The following ZNF521 variants were observed in gnomAD, a reference collection of about 807,000 sequenced individuals.
The protein encoded by ZNF521 is LYST-interacting protein 3.
Under a neutral mutation model 105.5 loss-of-function variants are expected in ZNF521, and 14 were observed. That is an observed-to-expected ratio of 0.13 (90% CI 0.09 to 0.21). ZNF521 has a LOEUF of 0.21. Ranked by LOEUF, ZNF521 falls within the 10% of genes least tolerant of loss-of-function variation. ZNF521 has a pLI of 1.00. For synonymous variants in ZNF521, 635 were observed against 606.0 expected, an observed-to-expected ratio of 1.05 and a Z score of -0.70; for missense variants, 1,233 against 1,629.7, an observed-to-expected ratio of 0.76 and a Z score of 4.19.
chr18:25,346,093 T>C (rs1452587137), intron 2 of ZNF521, among the ~76,000 whole-genome samples: 1 of 152,150 alleles, frequency 6.6e-6, no homozygotes, highest in African/African-American at 2.4e-5. Flanking sequence ...AAAAATAATT[T>C]TGAGGGAAAG....
intron 5 of ZNF521, among the ~76,000 whole-genome samples, chr18:25,100,430 T>A (rs1006830112): frequency 2.0e-5 from 3 of 152,164 alleles, no homozygotes; most frequent in Non-Finnish European, 4.4e-5. Flanking sequence ...CTCCTTCTGA[T>A]TCTGTTTATT....
At chr18:25,222,562 CACAG>C (rs1470006549) in intron 4 of ZNF521, among the ~76,000 whole-genome samples, 8 of 152,192 alleles carry the variant, frequency 5.3e-5, no homozygotes, top group Admixed American at 6.5e-5. Context: ...AAATCACACA[CACAG>C]ACACACAGAC....
At chr18:25,235,198 A>G (rs1906805134) in intron 3 of ZNF521, among the ~76,000 whole-genome samples, 2 of 152,242 alleles carry the variant, frequency 1.3e-5, no homozygotes, top group Non-Finnish European at 2.9e-5. Flanking sequence ...ATAAGTGACT[A>G]TTTGGCTTAG....
chr18:25,235,273 G>A (rs1038636097), intron 3 of ZNF521, among the ~76,000 whole-genome samples: 11 of 152,050 alleles, frequency 7.2e-5, no homozygotes, highest in African/African-American at 9.7e-5. Flanking sequence ...TGAAATATAC[G>A]TACTGAGCTT....
chr18:25,084,197 C>T (rs971378712), intron 7 of ZNF521, among the ~76,000 whole-genome samples: 6 of 139,948 alleles, frequency 4.3e-5, no homozygotes, highest in African/African-American at 9.8e-5. Context: ...GGCCTCATCA[C>T]ATATTATTTA....
rs373072667 is a variant in ZNF521 at position 25,178,041 on chromosome 18, T to C, written c.3658+17119A>G. On this transcript the variant is annotated intron_variant, in intron 5 of 7. Transcript: ENST00000361524. ...CCTTCTCTAATAACACATTCTGGCA[T>C]CTAATAAATTATCTCTGTGGTTCAA... Among the ~76,000 whole-genome samples, 107 of 152,342 alleles carry C rather than the reference T, an allele frequency of 7.0e-4. 4 individuals carry two copies. In the South Asian group the frequency reaches 0.022, roughly 31 times the overall value.
At chr18:25,077,287 C>G (rs1046875267) in intron 7 of ZNF521, among the ~76,000 whole-genome samples, 1 of 152,198 alleles carries the variant, frequency 6.6e-6, no homozygotes, top group East Asian at 1.9e-4. Flanking sequence ...TCTGTTCTGC[C>G]TTCCCGTTCC....
rs756727936 is a variant in ZNF521 at position 25,226,382 on chromosome 18, T to G, written c.1536A>C (p.Ala512=). ...CCATATAGCAATGGGGACAAAAGAATGCATTACTATCTTTAGCTGCAGGGT... is the reference window on the plus strand; with the variant it reads ...CCATATAGCAATGGGGACAAAAGAAGGCATTACTATCTTTAGCTGCAGGGT... ...FANPAAKDSN[A]FFCPHCYMGF... is the part of the protein sequence containing the mutation. Residue 512 remains alanine (A), a synonymous_variant, in exon 4 of 8, where the codon GCA becomes GCC. Coordinates refer to ENST00000361524, the MANE Select transcript of ZNF521 (RefSeq NM_015461.3). This position sits in a 1 kb window ranked among gnomAD's most constrained non-coding sequence, Gnocchi z 4.1. 3 of 1,614,132 alleles carry G rather than the reference T, an allele frequency of 1.9e-6. No individual in the cohort carries two copies. The highest frequency in any genetic ancestry group is 1.7e-6 in the Non-Finnish European group (2 of 1,180,002).
chr18:25,108,670 G>A (rs1415720062), intron 5 of ZNF521, among the ~76,000 whole-genome samples: 7 of 152,296 alleles, frequency 4.6e-5, no homozygotes, highest in East Asian at 1.9e-4. Flanking sequence ...TGTTGCCCAG[G>A]TTGGAGTGCA....
At chr18:25,152,870 A>G (rs1290460314) in intron 5 of ZNF521, among the ~76,000 whole-genome samples, 4 of 152,210 alleles carry the variant, frequency 2.6e-5, no homozygotes, top group Non-Finnish European at 5.9e-5. Flanking sequence ...TACTAGAGAT[A>G]AAATGCAAAA....
chr18:25,286,474 AGAG>A (rs1910713666), intron 3 of ZNF521, among the ~76,000 whole-genome samples: 1 of 152,204 alleles, frequency 6.6e-6, no homozygotes, highest in African/African-American at 2.4e-5. Context: ...ACCACCATAC[AGAG>A]GAGAGCCAAT....
chr18:25,230,432 C>A (rs1438379165), intron 3 of ZNF521, among the ~76,000 whole-genome samples: 1 of 152,326 alleles, frequency 6.6e-6, no homozygotes, highest in South Asian at 2.1e-4. Flanking sequence ...TCCTCCAAGA[C>A]TTTTGTGGTG....
At chr18:25,240,747 G>C (rs964006841) in intron 3 of ZNF521, among the ~76,000 whole-genome samples, 1 of 151,930 alleles carries the variant, frequency 6.6e-6, no homozygotes, top group African/African-American at 2.4e-5. Flanking sequence ...CAGACTCTCT[G>C]AGAGTTAAGA....
intron 3 of ZNF521, among the ~76,000 whole-genome samples, chr18:25,290,711 A>T (rs970570106): frequency 1.3e-5 from 2 of 151,040 alleles, no homozygotes; most frequent in Non-Finnish European, 2.9e-5. Flanking sequence ...CCCGGGTTCA[A>T]GCAATTCTCG....
chr18:25,164,685 T>C lies in ZNF521; in HGVS notation c.3658+30475A>G, dbSNP rs145162547. ...AGGGAAGCATTTGGGTCAGACTATG[T>C]GTGAAAAAGGAAGGAAAAGGTGGTT... On this transcript the variant is annotated intron_variant, in intron 5 of 7. Transcript: ENST00000361524. Among the ~76,000 whole-genome samples, 140 of 152,256 alleles carry C rather than the reference T, an allele frequency of 9.2e-4. 3 individuals carry two copies. In the East Asian group the frequency reaches 0.026, roughly 28 times the overall value.
At chr18:25,113,767 C>CGG (rs1193289873) in intron 5 of ZNF521, among the ~76,000 whole-genome samples, 21 of 149,198 alleles carry the variant, frequency 1.4e-4, no homozygotes, top group Admixed American at 2.7e-4. Context: ...GACGGACACA[C>CGG]ACACACACAC....
chr18:25,248,165 A>G (rs1907859724), intron 3 of ZNF521, among the ~76,000 whole-genome samples: 1 of 152,184 alleles, frequency 6.6e-6, no homozygotes, highest in South Asian at 2.1e-4. Context: ...CACGTCTGAT[A>G]GGAAGGTTAA....
At chr18:25,182,860 C>T (rs1600128728) in intron 5 of ZNF521, among the ~76,000 whole-genome samples, 1 of 152,214 alleles carries the variant, frequency 6.6e-6, no homozygotes, top group Non-Finnish European at 1.5e-5. Flanking sequence ...TTTACCTTTA[C>T]ACCTTCAAAA....
chr18:25,128,725 C>A (rs1415810364), intron 5 of ZNF521, among the ~76,000 whole-genome samples: 3 of 151,842 alleles, frequency 2.0e-5, no homozygotes, highest in African/African-American at 7.2e-5. Context: ...AATTTAAATA[C>A]CTACGTATAG....
Sources: gnomAD v4.1 joint callset for allele counts (sites outside exome capture counted in the v4.1 genomes callset) on GRCh38, gnomAD v4.1.1 for gene constraint, Gnocchi (gnomAD v3.1) non-coding constraint, MANE v1.5 for transcripts, NCBI Gene and HGNC (gene_info 2026-07-23, HGNC 2026-07-21) for gene names.